ARB2A: variants seen among roughly 807,000 people sequenced by gnomAD.
ARB2A encodes ARB2 cotranscriptional regulator A.
At chr5:94,064,381 G>A in the ARB2A span, among the ~76,000 whole-genome samples, 1 of 152,118 alleles carries the variant, frequency 6.6e-6, no homozygotes, top group Non-Finnish European at 1.5e-5. Flanking sequence ...TTGAATTTGT[G>A]GTGTCCCAGA....
chr5:93,774,907 T>C, the ARB2A span, among the ~76,000 whole-genome samples: 1 of 152,208 alleles, frequency 6.6e-6, no homozygotes, highest in South Asian at 2.1e-4. Flanking sequence ...TTGTATTTCA[T>C]CTAGGAGCAA....
At chr5:93,795,185 G>T in the ARB2A span, among the ~76,000 whole-genome samples, 1 of 152,132 alleles carries the variant, frequency 6.6e-6, no homozygotes, top group African/African-American at 2.4e-5. Context: ...TTCCCAGGGG[G>T]ATTGTGTTCA....
the ARB2A span, among the ~76,000 whole-genome samples, chr5:93,728,541 T>C: frequency 2.0e-5 from 3 of 151,994 alleles, no homozygotes; most frequent in African/African-American, 7.2e-5. Flanking sequence ...TGATTAACAG[T>C]TTTTTTTAAA....
At chr5:93,732,647 T>C in the ARB2A span, among the ~76,000 whole-genome samples, 13 of 151,820 alleles carry the variant, frequency 8.6e-5, no homozygotes, top group African/African-American at 3.1e-4. Context: ...TATGGCTCCG[T>C]ACTCCCCCAT....
chr5:94,074,881 T>C, the ARB2A span: 1 of 628,074 alleles, frequency 1.6e-6, no homozygotes, highest in Non-Finnish European at 2.7e-6. Context: ...TTTCCCACTT[T>C]GTTGATGCCT....
chr5:93,976,647 G>T, the ARB2A span, among the ~76,000 whole-genome samples: 1 of 152,126 alleles, frequency 6.6e-6, no homozygotes, highest in African/African-American at 2.4e-5. Flanking sequence ...CTCTCCTGCT[G>T]GATGTGAAGA....
the ARB2A span, among the ~76,000 whole-genome samples, chr5:93,679,244 T>A: frequency 2.0e-5 from 3 of 151,910 alleles, no homozygotes; most frequent in East Asian, 5.8e-4. Flanking sequence ...ATGTATGAGA[T>A]GTGAGATGCT....
the ARB2A span, among the ~76,000 whole-genome samples, chr5:93,923,372 T>C: frequency 2.6e-5 from 4 of 152,200 alleles, no homozygotes; most frequent in African/African-American, 7.2e-5. Flanking sequence ...AGCAGTTGAA[T>C]ATCTGCATAT....
At chr5:93,651,659 A>C in the ARB2A span, among the ~76,000 whole-genome samples, 1 of 152,252 alleles carries the variant, frequency 6.6e-6, no homozygotes, top group Admixed American at 6.5e-5. Context: ...GAGTATAAAA[A>C]TAAAGAGTAT....
At chr5:94,029,095 G>T in the ARB2A span, among the ~76,000 whole-genome samples, 1 of 152,106 alleles carries the variant, frequency 6.6e-6, no homozygotes, top group African/African-American at 2.4e-5. Flanking sequence ...AGAATCAAGC[G>T]ATTTTCCCAC....
chr5:94,101,464 T>C, the ARB2A span, among the ~76,000 whole-genome samples: 1 of 151,952 alleles, frequency 6.6e-6, no homozygotes, highest in Non-Finnish European at 1.5e-5. Context: ...AGAGGAAGAC[T>C]ATCTACCATA....
At chr5:94,035,882 C>G in the ARB2A span, among the ~76,000 whole-genome samples, 143 of 151,986 alleles carry the variant, frequency 9.4e-4, 3 homozygotes, top group Admixed American at 8.6e-3. Flanking sequence ...AGGAGAGGGA[C>G]AGCATTAGGA....
At chr5:93,744,357 C>T in the ARB2A span, among the ~76,000 whole-genome samples, 615 of 144,234 alleles carry the variant, frequency 4.3e-3, 19 homozygotes, top group Admixed American at 0.04. Context: ...ATTGCTTGAA[C>T]CCGGGAGGCG....
At chr5:93,637,382 T>C in the ARB2A span, among the ~76,000 whole-genome samples, 1 of 144,014 alleles carries the variant, frequency 6.9e-6, no homozygotes, top group Non-Finnish European at 1.5e-5. Flanking sequence ...TTTTGACTAT[T>C]ATGACTAAAG....
At chr5:93,674,812 TG>T in the ARB2A span, among the ~76,000 whole-genome samples, 3 of 152,222 alleles carry the variant, frequency 2.0e-5, no homozygotes, top group African/African-American at 7.2e-5. Flanking sequence ...AACATGTTGC[TG>T]AATGTTCTCA....
At chr5:93,767,707 G>GA in the ARB2A span, among the ~76,000 whole-genome samples, 1 of 151,956 alleles carries the variant, frequency 6.6e-6, no homozygotes, top group Admixed American at 6.6e-5. Flanking sequence ...AAAAAGGAAT[G>GA]AATTAGGCCG....
chr5:93,910,625 G>A, the ARB2A span: 4 of 151,300 alleles, frequency 2.6e-5, no homozygotes, highest in African/African-American at 7.3e-5. Context: ...GACCTGATCC[G>A]AAATAGAACA....
the ARB2A span, among the ~76,000 whole-genome samples, chr5:93,910,277 T>C: frequency 6.6e-6 from 1 of 151,086 alleles, no homozygotes; most frequent in South Asian, 2.1e-4. Flanking sequence ...GGGGCAATTA[T>C]ATAACTATAT....
chr5:93,770,825 C>T, the ARB2A span, among the ~76,000 whole-genome samples: 347 of 152,246 alleles, frequency 2.3e-3, 6 homozygotes, highest in African/African-American at 7.9e-3. Context: ...AATGGAAGAA[C>T]ATTCCATGCT....
Sources: gnomAD v4.1 joint callset for allele counts (sites outside exome capture counted in the v4.1 genomes callset) on GRCh38, gnomAD v4.1.1 for gene constraint, MANE v1.5 for transcripts, NCBI Gene and HGNC (gene_info 2026-07-23, HGNC 2026-07-21) for gene names.